The following CRAMP1 variants were observed in gnomAD, a reference collection of about 807,000 sequenced individuals.
CRAMP1 encodes the protein protein cramped-like.
A neutral mutation model predicts 115.4 loss-of-function variants in CRAMP1; 50 were observed. The ratio of observed to expected loss-of-function variants is 0.43; its 90% CI spans 0.35 to 0.55. The LOEUF is 0.55. Among genes scored for constraint, CRAMP1 ranks in the 20% least tolerant of loss-of-function variants. The pLI is 0.01. For missense variants in CRAMP1, 1,679 were observed against 1,721.7 expected, an observed-to-expected ratio of 0.98 and a Z score of 0.44; for synonymous variants, 866 against 745.4, an observed-to-expected ratio of 1.16 and a Z score of -2.64.
At chr16:1,623,483 T>G (rs2036482782) in intron 2 of CRAMP1, among the ~76,000 whole-genome samples, 1 of 152,246 alleles carries the variant, frequency 6.6e-6, no homozygotes, top group Admixed American at 6.5e-5. Context: ...ATTATGGAAT[T>G]TTAGGAAATT....
At chr16:1,662,055 T>G (rs2142203542) in intron 11 of CRAMP1, among the ~76,000 whole-genome samples, 1 of 152,338 alleles carries the variant, frequency 6.6e-6, no homozygotes, top group Middle Eastern at 3.4e-3. Flanking sequence ...TCACCTGTTG[T>G]CTGTAGTTGC....
intron 10 of CRAMP1, among the ~76,000 whole-genome samples, chr16:1,657,752 C>T (rs1189903128): frequency 6.6e-6 from 1 of 152,142 alleles, no homozygotes; most frequent in African/African-American, 2.4e-5. Context: ...CAGGAGTAAT[C>T]CTACCCCACA....
chr16:1,660,564 A>T (rs1408207582), intron 11 of CRAMP1, among the ~76,000 whole-genome samples: 1 of 152,194 alleles, frequency 6.6e-6, no homozygotes. Context: ...AAATTCAGGG[A>T]TCATAAATTG....
At chr16:1,622,311 G>C (rs369215790) in intron 2 of CRAMP1, among the ~76,000 whole-genome samples, 2 of 152,192 alleles carry the variant, frequency 1.3e-5, no homozygotes, top group African/African-American at 4.8e-5. Flanking sequence ...TCAGGAGCTC[G>C]TGACCAGCCT....
chr16:1,639,645 G>A (rs2036615815), intron 5 of CRAMP1, among the ~76,000 whole-genome samples: 1 of 152,168 alleles, frequency 6.6e-6, no homozygotes, highest in African/African-American at 2.4e-5. Flanking sequence ...GAAGCAACCA[G>A]TCAGGCTGAA....
chr16:1,640,339 T>C (rs1048621812), intron 5 of CRAMP1, among the ~76,000 whole-genome samples: 1 of 152,242 alleles, frequency 6.6e-6, no homozygotes, highest in African/African-American at 2.4e-5. Flanking sequence ...CCTCTTGGCC[T>C]GTGCTGCTCT....
chr16:1,667,556 G>A, intron 17 of CRAMP1, 156 bp downstream of exon 17: 1 of 657,076 alleles, frequency 1.5e-6, no homozygotes, highest in East Asian at 2.7e-5. Flanking sequence ...ACTGCCCAGG[G>A]TGGATAAATG....
rs770875880 is a variant in CRAMP1 at position 1,665,049 on chromosome 16, C to A, written c.2671-8C>A. 1.3e-6 allele frequency: 2 copies of A among 1,595,018 alleles called. No homozygotes were observed. The highest frequency in any genetic ancestry group is 2.2e-5 in the South Asian group (2 of 90,702). ...CATCACCTTGATTGTTGACCATTTTCCCCACAGAGAACACTGCTCCCTAGA... is the reference window on the plus strand; with the variant it reads ...CATCACCTTGATTGTTGACCATTTTACCCACAGAGAACACTGCTCCCTAGA... On this transcript the variant is annotated splice_polypyrimidine_tract_variant and splice_region_variant and intron_variant, in intron 13 of 20. Transcript: ENST00000397412.
intron 4 of CRAMP1, among the ~76,000 whole-genome samples, chr16:1,635,264 G>A (rs1000136617): frequency 6.6e-6 from 1 of 152,200 alleles, no homozygotes; most frequent in Non-Finnish European, 1.5e-5. Flanking sequence ...CTCATCTTGT[G>A]GCGTGAGACA....
intron 14 of CRAMP1, 36 bp downstream of exon 14, chr16:1,665,174 C>T (rs763344756): frequency 3.7e-6 from 5 of 1,362,110 alleles, no homozygotes; most frequent in South Asian, 1.2e-5. Context: ...TAGCTTGTCC[C>T]TCCTCCTCAC....
At chr16:1,629,115 A>T (rs929764070) in intron 3 of CRAMP1, among the ~76,000 whole-genome samples, 2 of 152,132 alleles carry the variant, frequency 1.3e-5, no homozygotes. Context: ...TCCGTCCATC[A>T]TCCATGCTTG....
intron 6 of CRAMP1, among the ~76,000 whole-genome samples, chr16:1,646,465 C>T (rs973445412): frequency 6.6e-6 from 1 of 152,216 alleles, no homozygotes; most frequent in African/African-American, 2.4e-5. Flanking sequence ...ACTCATGACA[C>T]CGAGTGTCTT....
chr16:1,627,819 T>A (rs1596483939), intron 3 of CRAMP1, among the ~76,000 whole-genome samples: 1 of 151,970 alleles, frequency 6.6e-6, no homozygotes, highest in East Asian at 1.9e-4. Context: ...ATCGTGCCTT[T>A]AAGCTGTTTG....
At chr16:1,667,904 C>G (rs937843932) in intron 17 of CRAMP1, 58 bp from the exon 18 acceptor site, 3 of 1,135,828 alleles carry the variant, frequency 2.6e-6, no homozygotes, top group Non-Finnish European at 3.9e-6. Context: ...GTGTTTCTTC[C>G]CTTGTCATGG....
intron 4 of CRAMP1, among the ~76,000 whole-genome samples, chr16:1,633,625 C>T (rs2036563702): frequency 6.6e-6 from 1 of 152,226 alleles, no homozygotes; most frequent in Admixed American, 6.5e-5. Flanking sequence ...AATCTCAGCA[C>T]TGGTCAGATC....
At chr16:1,612,806 C>G (rs940906893) in intron 1 of CRAMP1, among the ~76,000 whole-genome samples, 149 bp downstream of exon 1, 139 of 152,264 alleles carry the variant, frequency 9.1e-4, no homozygotes, top group African/African-American at 3.2e-3. Flanking sequence ...TCTGCGTCCC[C>G]ATCCCGAGAC....
chr16:1,671,389 A>G lies in CRAMP1; in HGVS notation c.3645+580A>G, dbSNP rs948753070. 6.6e-6 allele frequency among the ~76,000 whole-genome samples: 1 copy of G among 152,286 alleles called. No homozygotes were observed. The highest frequency in any genetic ancestry group is 2.1e-4 in the South Asian group (1 of 4,826). ...GGCGAAACGTGGTTTGTGACTCTCC[A>G]CTTTTGACGAGATGCAGCGTCCCTC... is the stretch of plus-strand genomic sequence containing the variant. On this transcript the variant is annotated intron_variant, in intron 20 of 20. Coordinates refer to ENST00000397412, the MANE Select transcript of CRAMP1 (RefSeq NM_020825.4). The surrounding 1 kb of genome is among the most constrained non-coding windows in gnomAD (Gnocchi z 5.0).
chr16:1,656,649 A>G lies in CRAMP1; in HGVS notation c.1892A>G (p.Asp631Gly). Residue 631 changes from aspartate (D) to glycine (G), a missense_variant, in exon 10 of 21, where the codon GAC becomes GGC. Asp to Gly is a moderately conservative substitution (Grantham distance 94, BLOSUM62 -1). This residue lies in a region of CRAMP1 where 405 missense variants were observed against 302.6 expected (regional missense o/e 1.34). Coordinates refer to ENST00000397412, the MANE Select transcript of CRAMP1 (RefSeq NM_020825.4). The surrounding 1 kb of genome is among the most constrained non-coding windows in gnomAD (Gnocchi z 5.6). ...CTCCTGCTGGATGTTTGCACTAAAG[A>G]CTTGGCAGATGCACCTGCGGAGGAG... is the stretch of plus-strand genomic sequence containing the variant. ...PGLLLDVCTK[D>G]LADAPAEELQ... 1 of 1,578,140 alleles carries G rather than the reference A, an allele frequency of 6.3e-7. No homozygotes were observed. The highest frequency in any genetic ancestry group is 1.2e-5 in the South Asian group (1 of 86,098).
rs1323340769 is a variant in CRAMP1, at chr16:1,677,096, C to T, written c.*3051C>T. On this transcript the variant is annotated 3_prime_UTR_variant, in exon 21 of 21. Coordinates refer to ENST00000397412, the MANE Select transcript of CRAMP1 (RefSeq NM_020825.4). ...AGACAGTTGTGTTTTCTCTTTAAAC[C>T]TTGAGCTCTAGCCGATGCATTTGTC... The T allele has an allele frequency of 6.6e-6, 1 of 152,262 alleles. No homozygotes were observed. The highest frequency in any genetic ancestry group is 1.5e-5 in the Non-Finnish European group (1 of 68,048). The allele number at this position is 152,262 out of a possible 1,614,324, so 9.4% of individuals were successfully genotyped here.
Sources: allele counts gnomAD v4.1 joint callset (sites outside exome capture counted in the v4.1 genomes callset), GRCh38; gene constraint gnomAD v4.1.1; regional missense constraint gnomAD v4.1.1; non-coding constraint Gnocchi (gnomAD v3.1); transcripts MANE v1.5; gene names NCBI Gene and HGNC (gene_info 2026-07-23, HGNC 2026-07-21).